PYROXD1: variants seen among roughly 807,000 people sequenced by gnomAD.
PYROXD1 encodes tRNA ligase complex-associated NAD(P)H dehydrogenase PYROXD1.
In PYROXD1, 42 loss-of-function variants were observed where a neutral mutation model predicts 62.0. The observed-to-expected ratio is 0.68, with a 90% confidence interval of 0.53 to 0.88. The LOEUF (loss-of-function observed/expected upper bound fraction) is 0.88, where lower values mean the gene tolerates loss of function less well. PYROXD1 is among the 40% of genes least tolerant of loss of function. PYROXD1 has a pLI of 0.00. For synonymous variants in PYROXD1, 170 were observed against 206.4 expected (o/e 0.82, Z 1.51); for missense variants, 493 against 604.8 (o/e 0.82, Z 1.94).
intron 11 of PYROXD1, 56 bp downstream of exon 11, chr12:21,467,674 T>C: frequency 1.6e-6 from 2 of 1,286,674 alleles, no homozygotes; most frequent in Non-Finnish European, 2.2e-6. Flanking sequence ...ATGACTATGA[T>C]AAATCATGTG....
chr12:21,466,282 A>T (rs1361246421), intron 10 of PYROXD1, among the ~76,000 whole-genome samples: 1 of 150,256 alleles, frequency 6.7e-6, no homozygotes, highest in Non-Finnish European at 1.5e-5. Context: ...CACGATATTG[A>T]TTCTTCCTAC....
intron 2 of PYROXD1, among the ~76,000 whole-genome samples, chr12:21,442,612 TG>T (rs1409910134): frequency 6.6e-6 from 1 of 150,900 alleles, no homozygotes; most frequent in African/African-American, 2.5e-5. Context: ...ACCATGGCCC[TG>T]GGGTTGGAAC....
intron 3 of PYROXD1, among the ~76,000 whole-genome samples, chr12:21,445,831 A>G (rs147806827): frequency 5.3e-5 from 8 of 152,300 alleles, no homozygotes; most frequent in Non-Finnish European, 1.0e-4. Flanking sequence ...ATATTGACAT[A>G]TAAAAAACAC....
chr12:21,445,330 C>A lies in PYROXD1; in HGVS notation c.166-17C>A. On this transcript the variant is annotated splice_polypyrimidine_tract_variant and intron_variant, in intron 2 of 11. Transcript: ENST00000240651. ...TACTTTAAAAATATACATTTTTAATCTCTTGGATCTATACAGATTTCTAAA... is the reference window on the plus strand; with the variant it reads ...TACTTTAAAAATATACATTTTTAATATCTTGGATCTATACAGATTTCTAAA... 1.3e-6 allele frequency: 2 copies of A among 1,541,352 alleles called. No homozygotes were observed. Among genetic ancestry groups the A allele is most frequent in the Non-Finnish European group, 1.7e-6 (2 of 1,149,072 alleles).
At chr12:21,467,271 C>G in intron 10 of PYROXD1, 2 of 448,174 alleles carry the variant, frequency 4.5e-6, no homozygotes, top group South Asian at 4.9e-5. Flanking sequence ...TGATTGGTAT[C>G]ATCTTTTAAT....
At chr12:21,446,435 G>C (rs191713032) in intron 3 of PYROXD1, among the ~76,000 whole-genome samples, 1 of 151,598 alleles carries the variant, frequency 6.6e-6, no homozygotes, top group African/African-American at 2.4e-5. Flanking sequence ...AAAAAAAAGA[G>C]AGAAGTTGAG....
intron 7 of PYROXD1, among the ~76,000 whole-genome samples, chr12:21,456,708 A>C (rs1307804464): frequency 6.6e-6 from 1 of 152,080 alleles, no homozygotes; most frequent in African/African-American, 2.4e-5. Flanking sequence ...TTGCCCCATC[A>C]ATTGACTCTT....
chr12:21,453,360 G>A (rs954934139), intron 5 of PYROXD1, among the ~76,000 whole-genome samples: 1 of 151,966 alleles, frequency 6.6e-6, no homozygotes, highest in Non-Finnish European at 1.5e-5. Flanking sequence ...CCCACATAAT[G>A]TTATTCTCTG....
rs1942929373 is a variant in PYROXD1 at position 21,470,738 on chromosome 12, C to T, written c.*1984C>T. ...AAATTAGATATTCAAACGGAGTCCT[C>T]CCATTCCAAGAAACTGGAAACCCCT... On this transcript the variant is annotated 3_prime_UTR_variant, in exon 12 of 12. Coordinates refer to ENST00000240651, the MANE Select transcript of PYROXD1 (RefSeq NM_024854.5). 2 of 350,692 alleles carry T rather than the reference C, an allele frequency of 5.7e-6. No individual in the cohort carries two copies. The highest frequency in any genetic ancestry group is 4.5e-5 in the Admixed American group (1 of 22,046). 21.7% of individuals were successfully genotyped at this position (350,692 alleles called of 1,614,324 possible).
chr12:21,467,033 CAA>C (rs1942807868), intron 10 of PYROXD1, among the ~76,000 whole-genome samples: 2 of 152,024 alleles, frequency 1.3e-5, no homozygotes, highest in African/African-American at 4.8e-5. Context: ...GGTGAGGCAC[CAA>C]GAGTCTGTCT....
Position 21,468,806 on chromosome 12 carries a change from T to G in PYROXD1, c.*52T>G, listed in dbSNP as rs1291944651. On this transcript the variant is annotated 3_prime_UTR_variant, in exon 12 of 12. Transcript: ENST00000240651. ...AAAGTTCCAAATGACACCAGAAAAA[T>G]CACAAGTCAATAAAATGAATGACTG... The G allele has an allele frequency of 2.0e-6, 3 of 1,513,592 alleles. No homozygotes were observed. In the Admixed American group the frequency reaches 5.7e-5, roughly 29 times the overall value. 93.8% of individuals were successfully genotyped at this position (1,513,592 alleles called of 1,614,324 possible).
rs192705240 is a variant in PYROXD1, at chr12:21,437,685, C to A, written c.-46C>A. 215 of 1,569,926 alleles carry A rather than the reference C, an allele frequency of 1.4e-4. 1 individual carries two copies. In the African/African-American group the frequency reaches 2.6e-3, roughly 19 times the overall value. ...CTTCCTCTCCTGGAGTCCAGAGTCC[C>A]GTTGCTCCGCCGCGATATTCAGTAA... On this transcript the variant is annotated 5_prime_UTR_variant, in exon 1 of 12. Transcript: ENST00000240651.
At chr12:21,437,882 C>A in intron 1 of PYROXD1, 68 bp downstream of exon 1, 1 of 1,317,388 alleles carries the variant, frequency 7.6e-7, no homozygotes, top group South Asian at 1.3e-5. Flanking sequence ...GGAGGCCTTC[C>A]TCCCACCCCC....
At position 21,449,571 on chromosome 12, in the gene PYROXD1, A is replaced by G; in HGVS notation, c.294A>G (p.Val98=). 1 of 1,612,546 alleles carries G rather than the reference A, an allele frequency of 6.2e-7. No individual in the cohort carries two copies. Among genetic ancestry groups the G allele is most frequent in the East Asian group, 2.2e-5 (1 of 44,770 alleles). ...GTTTGATGTATTTACAGTGCATTGT[A>G]ACAGAAGATGGCAATCAGCACGTAT... ...KQLKSEEHCI[V]TEDGNQHVYK... is the part of the protein sequence containing the mutation. The change falls in exon 4 of 12, where the codon GTA becomes GTG. Residue 98 remains valine (V), a synonymous_variant. Coordinates refer to ENST00000240651, the MANE Select transcript of PYROXD1 (RefSeq NM_024854.5).
intron 2 of PYROXD1, among the ~76,000 whole-genome samples, chr12:21,441,802 C>T (rs1342404259): frequency 6.6e-6 from 1 of 152,168 alleles, no homozygotes; most frequent in African/African-American, 2.4e-5. Context: ...TATCATGTTT[C>T]TTACTGCCTT....
intron 5 of PYROXD1, among the ~76,000 whole-genome samples, chr12:21,452,654 A>G (rs1942522778): frequency 6.6e-6 from 1 of 152,068 alleles, no homozygotes; most frequent in African/African-American, 2.4e-5. Flanking sequence ...TAGCTTGGGA[A>G]ATGTGAACAC....
chr12:21,443,417 G>T (rs144323532), intron 2 of PYROXD1, among the ~76,000 whole-genome samples: 13 of 152,190 alleles, frequency 8.5e-5, no homozygotes, highest in African/African-American at 2.9e-4. Context: ...TAGATAATTA[G>T]TGTCTCAGAA....
chr12:21,465,916 A>G (rs549402885), intron 10 of PYROXD1, among the ~76,000 whole-genome samples: 1 of 152,298 alleles, frequency 6.6e-6, no homozygotes, highest in South Asian at 2.1e-4. Flanking sequence ...CCATTTATTA[A>G]ATAGGGAATC....
At chr12:21,437,939 C>A in intron 1 of PYROXD1, 125 bp downstream of exon 1, 1 of 822,468 alleles carries the variant, frequency 1.2e-6, no homozygotes, top group Non-Finnish European at 1.9e-6. Flanking sequence ...CCCTTTTCCG[C>A]ACTTATTGCT....
Sources: gnomAD v4.1 joint callset for allele counts (sites outside exome capture counted in the v4.1 genomes callset) on GRCh38, gnomAD v4.1.1 for gene constraint, MANE v1.5 for transcripts, NCBI Gene and HGNC (gene_info 2026-07-23, HGNC 2026-07-21) for gene names.